DENND4A: variants seen among roughly 807,000 people sequenced by gnomAD.
DENND4A encodes DENN domain containing 4A.
Under a neutral mutation model 199.3 loss-of-function variants are expected in DENND4A, and 70 were observed. That is an observed-to-expected ratio of 0.35 (90% CI 0.29 to 0.43). The LOEUF (loss-of-function observed/expected upper bound fraction) is 0.43. Ranked by LOEUF, DENND4A falls within the 20% of genes least tolerant of loss-of-function variation. DENND4A has a pLI of 1.00. For missense variants in DENND4A, 1,723 were observed against 2,255.8 expected, an observed-to-expected ratio of 0.76 and a Z score of 4.78; for synonymous variants, 686 against 766.9, an observed-to-expected ratio of 0.89 and a Z score of 1.74.
intron 4 of DENND4A, among the ~76,000 whole-genome samples, chr15:65,742,861 G>A (rs1239304889): frequency 2.0e-5 from 3 of 152,144 alleles, no homozygotes; most frequent in Non-Finnish European, 4.4e-5. Flanking sequence ...TACTCCCAGA[G>A]GCTCACACAT....
chr15:65,725,935 C>T (rs951303894), intron 11 of DENND4A: 3 of 152,078 alleles, frequency 2.0e-5, no homozygotes, highest in African/African-American at 4.8e-5. Context: ...TTCAGAAATT[C>T]TAATTGAAGG....
At chr15:65,783,848 A>G (rs2077497936) in intron 1 of DENND4A, among the ~76,000 whole-genome samples, 1 of 152,214 alleles carries the variant, frequency 6.6e-6, no homozygotes, top group Non-Finnish European at 1.5e-5. Context: ...AAAAAAGACT[A>G]TCCATAGCAG....
At position 65,706,782 on chromosome 15, in the gene DENND4A, C is replaced by T. The variant is rs372430629; in HGVS notation, c.1954-558G>A. On this transcript the variant is annotated intron_variant, in intron 14 of 32. Coordinates refer to ENST00000443035, the MANE Select transcript of DENND4A (RefSeq NM_001320835.1). ...GTGCTGGGATTACAGGCGTGAGCCA[C>T]AGCGCCCGGCCTTTCATTTTTGCTT... Among the ~76,000 whole-genome samples the T allele has an allele frequency of 1.4e-4, 22 of 152,298 alleles. No individual in the cohort carries two copies. In the East Asian group the frequency reaches 4.2e-3, roughly 29 times the overall value.
At chr15:65,671,467 G>A (rs2076215850) in intron 25 of DENND4A, among the ~76,000 whole-genome samples, 1 of 152,150 alleles carries the variant, frequency 6.6e-6, no homozygotes, top group South Asian at 2.1e-4. Flanking sequence ...TCGGCTCACT[G>A]CAATCTCTGC....
intron 27 of DENND4A, 91 bp downstream of exon 27, chr15:65,669,688 C>A (rs1385003874): frequency 1.7e-5 from 19 of 1,118,110 alleles, no homozygotes; most frequent in Non-Finnish European, 2.4e-5. Flanking sequence ...GACATTTAAA[C>A]CTGGAAATGG....
intron 23 of DENND4A, among the ~76,000 whole-genome samples, chr15:65,682,816 A>G (rs1031031229): frequency 1.3e-5 from 2 of 152,196 alleles, no homozygotes; most frequent in Non-Finnish European, 1.5e-5. Context: ...CCTAATTTCA[A>G]TATTGTTGTG....
intron 18 of DENND4A, 77 bp from the exon 19 acceptor site, chr15:65,701,269 A>G (rs2074858653): frequency 8.2e-7 from 1 of 1,221,922 alleles, no homozygotes; most frequent in Non-Finnish European, 1.1e-6. Flanking sequence ...GAATTAAGCT[A>G]AAGAATATCA....
chr15:65,718,035 A>C (rs1295404983), intron 12 of DENND4A, 39 bp from the exon 13 acceptor site: 2 of 1,424,480 alleles, frequency 1.4e-6, no homozygotes, highest in Non-Finnish European at 1.9e-6. Flanking sequence ...CTCCAAACTC[A>C]CAAAACACTC....
intron 1 of DENND4A, among the ~76,000 whole-genome samples, chr15:65,764,222 G>A (rs2076924482): frequency 6.6e-6 from 1 of 152,134 alleles, no homozygotes; most frequent in African/African-American, 2.4e-5. Context: ...AACAGGCCAG[G>A]TGTGATGGGT....
At chr15:65,780,972 A>G (rs995556726) in intron 1 of DENND4A, among the ~76,000 whole-genome samples, 1 of 152,170 alleles carries the variant, frequency 6.6e-6, no homozygotes, top group Non-Finnish European at 1.5e-5. Flanking sequence ...ATAGTTACCA[A>G]TAGATTATTC....
chr15:65,762,258 C>T (rs71396473), intron 1 of DENND4A, among the ~76,000 whole-genome samples: 2 of 152,120 alleles, frequency 1.3e-5, no homozygotes, highest in African/African-American at 2.4e-5. Context: ...CTGCCTGCCT[C>T]GGCCTCCCAA....
rs1491492345 is a variant in DENND4A at position 65,659,321 on chromosome 15, G to GTTTTTTTTTTTTTTTTT, written c.*2529_*2530insAAAAAAAAAAAAAAAAA. On this transcript the variant is annotated 3_prime_UTR_variant, in exon 33 of 33. Coordinates refer to ENST00000443035, the MANE Select transcript of DENND4A (RefSeq NM_001320835.1). ...TTATTTTAAATGATTGATATTTTCT[G>GTTTTTTTTTTTTTTTTT]GTTTTTTTTTTTTTTTTTTTTTTTT... 40 of 66,670 alleles carry GTTTTTTTTTTTTTTTTT rather than the reference G, an allele frequency of 6.0e-4. 17 individuals carry two copies. The highest frequency in any genetic ancestry group is 8.8e-4 in the East Asian group (2 of 2,266). The allele number at this position is 66,670 out of a possible 1,614,324, so 4.1% of individuals were successfully genotyped here.
chr15:65,731,326 G>C (rs1316241865), intron 9 of DENND4A: 1 of 359,700 alleles, frequency 2.8e-6, no homozygotes, highest in Non-Finnish European at 5.5e-6. Context: ...AATTGCATTT[G>C]AATGTTCTTC....
At chr15:65,766,268 A>AT (rs397952886) in intron 1 of DENND4A, among the ~76,000 whole-genome samples, 1 of 151,054 alleles carries the variant, frequency 6.6e-6, no homozygotes, top group Non-Finnish European at 1.5e-5. Context: ...AAAAAAAAAA[A>AT]TAGATGCAGA....
chr15:65,708,651 C>T (rs1028470420), intron 14 of DENND4A, among the ~76,000 whole-genome samples: 2 of 150,928 alleles, frequency 1.3e-5, no homozygotes, highest in African/African-American at 2.5e-5. Context: ...AGAAATCCAA[C>T]ACCCACAGCA....
intron 23 of DENND4A, among the ~76,000 whole-genome samples, chr15:65,684,313 G>A (rs2076679234): frequency 6.6e-6 from 1 of 152,180 alleles, no homozygotes; most frequent in Non-Finnish European, 1.5e-5. Context: ...CAAAGTGGCT[G>A]TACCATTTTA....
At chr15:65,765,424 A>C (rs1399497961) in intron 1 of DENND4A, among the ~76,000 whole-genome samples, 1 of 152,224 alleles carries the variant, frequency 6.6e-6, no homozygotes, top group Non-Finnish European at 1.5e-5. Context: ...TTTTTAATTG[A>C]AACTTTTAGT....
At chr15:65,694,435 T>C (rs1472590643) in intron 22 of DENND4A, among the ~76,000 whole-genome samples, 1 of 146,416 alleles carries the variant, frequency 6.8e-6, no homozygotes, top group South Asian at 2.1e-4. Flanking sequence ...GGCACCAGAG[T>C]GAGACTCTGT....
intron 5 of DENND4A, among the ~76,000 whole-genome samples, chr15:65,740,404 G>C (rs2076227466): frequency 6.7e-6 from 1 of 150,000 alleles, no homozygotes; most frequent in Non-Finnish European, 1.5e-5. Flanking sequence ...GAGCGAAGGA[G>C]TTCAAGAGCA....
Sources: allele counts gnomAD v4.1 joint callset (sites outside exome capture counted in the v4.1 genomes callset), GRCh38; gene constraint gnomAD v4.1.1; transcripts MANE v1.5; gene names NCBI Gene and HGNC (gene_info 2026-07-23, HGNC 2026-07-21).